Variants in L3MBTL3 observed in about 807,000 individuals in gnomAD.
L3MBTL3 encodes the protein L3MBTL histone methyl-lysine binding protein 3, also known as lethal(3)malignant brain tumor-like protein 3.
In L3MBTL3, 27 loss-of-function variants were observed where a neutral mutation model predicts 102.3. The ratio of observed to expected loss-of-function variants is 0.26; its 90% CI spans 0.19 to 0.36. The LOEUF is 0.36. Ranked by LOEUF, L3MBTL3 falls within the 10% of genes least tolerant of loss-of-function variation. The pLI is 1.00. For missense variants in L3MBTL3, 798 were observed against 955.3 expected, an observed-to-expected ratio of 0.84 and a Z score of 2.17; for synonymous variants, 340 against 320.9, an observed-to-expected ratio of 1.06 and a Z score of -0.64.
chr6:130,021,181 A>C (rs757140301), intron 1 of L3MBTL3, among the ~76,000 whole-genome samples: 1 of 152,194 alleles, frequency 6.6e-6, no homozygotes, highest in Non-Finnish European at 1.5e-5. Context: ...TTTCAAGTGC[A>C]GCAAAATAGC....
At chr6:130,026,628 T>G (rs1032822756) in intron 2 of L3MBTL3, among the ~76,000 whole-genome samples, 14 of 152,184 alleles carry the variant, frequency 9.2e-5, no homozygotes, top group African/African-American at 3.1e-4. Context: ...GACCAATTAT[T>G]GAATTATTCT....
chr6:130,063,976 A>G (rs568015648), intron 10 of L3MBTL3, among the ~76,000 whole-genome samples: 7 of 152,348 alleles, frequency 4.6e-5, no homozygotes, highest in African/African-American at 1.7e-4. Flanking sequence ...GTGCATGTCC[A>G]CGAACACTGC....
intron 2 of L3MBTL3, among the ~76,000 whole-genome samples, chr6:130,033,583 C>G (rs1779863288): frequency 6.6e-6 from 1 of 152,112 alleles, no homozygotes; most frequent in Admixed American, 6.5e-5. Flanking sequence ...CCCTTTTAAC[C>G]AAAAACTGGC....
chr6:130,119,595 C>A (rs1168647708), intron 19 of L3MBTL3, among the ~76,000 whole-genome samples: 1 of 152,054 alleles, frequency 6.6e-6, no homozygotes, highest in African/African-American at 2.4e-5. Context: ...GACCCTGTTG[C>A]CATTTAATTG....
chr6:130,037,656 A>G (rs1196802415), intron 2 of L3MBTL3, among the ~76,000 whole-genome samples: 2 of 152,182 alleles, frequency 1.3e-5, no homozygotes, highest in African/African-American at 4.8e-5. Context: ...TAATTGATGC[A>G]TAATAATTGT....
chr6:130,062,542 G>C (rs1488643529), intron 10 of L3MBTL3, among the ~76,000 whole-genome samples: 1 of 148,302 alleles, frequency 6.7e-6, no homozygotes, highest in Non-Finnish European at 1.5e-5. Flanking sequence ...TGTACCACCT[G>C]ATGCCCAGCT....
At chr6:130,028,073 C>CTT (rs67901301) in intron 2 of L3MBTL3, among the ~76,000 whole-genome samples, 2 of 141,200 alleles carry the variant, frequency 1.4e-5, no homozygotes, top group Non-Finnish European at 3.1e-5. Flanking sequence ...TTCTGTGTAC[C>CTT]TTTTTTTTTT....
intron 20 of L3MBTL3, among the ~76,000 whole-genome samples, chr6:130,122,229 C>T (rs1393880686): frequency 1.3e-5 from 2 of 152,294 alleles, no homozygotes; most frequent in South Asian, 2.1e-4. Context: ...AGAATGGCAC[C>T]TGATGGCTGT....
intron 15 of L3MBTL3, 29 bp downstream of exon 15, chr6:130,083,734 T>A: frequency 9.1e-7 from 1 of 1,101,420 alleles, no homozygotes; most frequent in Non-Finnish European, 1.4e-6. Flanking sequence ...TTAATTTGCG[T>A]GGATGAGATC....
chr6:130,052,292 A>G (rs1421805503), intron 6 of L3MBTL3, among the ~76,000 whole-genome samples: 1 of 151,798 alleles, frequency 6.6e-6, no homozygotes, highest in Non-Finnish European at 1.5e-5. Flanking sequence ...ATTTTAGTAG[A>G]GACGGGGTTT....
intron 20 of L3MBTL3, among the ~76,000 whole-genome samples, chr6:130,125,917 C>G (rs556708303): frequency 6.6e-6 from 1 of 152,056 alleles, no homozygotes; most frequent in Non-Finnish European, 1.5e-5. Flanking sequence ...CACACACACA[C>G]CCCTCTTAAA....
intron 11 of L3MBTL3, 138 bp downstream of exon 11, chr6:130,066,626 C>A (rs1255529505): frequency 2.8e-6 from 2 of 713,026 alleles, no homozygotes; most frequent in African/African-American, 3.7e-5. Flanking sequence ...ATGATGAAAC[C>A]ATGTTTATTA....
rs1784059506 is a variant in L3MBTL3 at position 130,091,681 on chromosome 6, A to C, written c.1519-1064A>C. Among the ~76,000 whole-genome samples, 3 of 152,158 alleles carry C rather than the reference A, an allele frequency of 2.0e-5. No homozygotes were observed. The South Asian group carries it at 6.2e-4, about 32-fold the overall frequency. On this transcript the variant is annotated intron_variant, in intron 16 of 22. Transcript: ENST00000361794. ...ACGGGATATTATTCAGCCATAAAAA[A>C]AGAATTAAATACTGTCATTTGCAAC...
chr6:130,122,958 G>A (rs906272386), intron 20 of L3MBTL3, among the ~76,000 whole-genome samples: 1 of 152,186 alleles, frequency 6.6e-6, no homozygotes, highest in African/African-American at 2.4e-5. Context: ...TGTGGAATAA[G>A]TGTCTATTGT....
chr6:130,134,210 G>A (rs1335976860), intron 22 of L3MBTL3, among the ~76,000 whole-genome samples: 1 of 152,064 alleles, frequency 6.6e-6, no homozygotes, highest in East Asian at 1.9e-4. Context: ...ATAGCACAGA[G>A]GAAGCCAAAG....
intron 10 of L3MBTL3, among the ~76,000 whole-genome samples, chr6:130,065,403 C>A (rs1782181002): frequency 6.6e-6 from 1 of 152,054 alleles, no homozygotes; most frequent in South Asian, 2.1e-4. Flanking sequence ...CATGTGGACC[C>A]CCACATGTCT....
Position 130,139,864 on chromosome 6 carries a change from C to T in L3MBTL3, c.*111C>T. 2 of 921,386 alleles carry T rather than the reference C, an allele frequency of 2.2e-6. No individual in the cohort carries two copies. The highest frequency in any genetic ancestry group is 6.0e-4 in the Middle Eastern group (2 of 3,316). 57.1% of individuals were successfully genotyped at this position (921,386 alleles called of 1,614,324 possible). A position where few individuals can be genotyped will look rare whatever the true frequency, so the allele number is the denominator to read the frequency against. ...GAGAAGTCTCCAAAACTCAAAAGAG[C>T]AACACTATCGGATTATTTATATTAC... On this transcript the variant is annotated 3_prime_UTR_variant, in exon 23 of 23. Transcript: ENST00000361794.
intron 14 of L3MBTL3, among the ~76,000 whole-genome samples, chr6:130,078,847 A>G (rs945096171): frequency 3.3e-5 from 5 of 152,164 alleles, no homozygotes; most frequent in African/African-American, 1.2e-4. Flanking sequence ...ATTTACAAAA[A>G]CAGGCAGCCA....
chr6:130,122,165 C>G (rs188090998), intron 20 of L3MBTL3, among the ~76,000 whole-genome samples: 8 of 152,088 alleles, frequency 5.3e-5, no homozygotes, highest in Non-Finnish European at 4.4e-5. Flanking sequence ...TTGATTGTCC[C>G]TGGGGACTTT....
Sources: gnomAD v4.1 joint callset for allele counts (sites outside exome capture counted in the v4.1 genomes callset) on GRCh38, gnomAD v4.1.1 for gene constraint, MANE v1.5 for transcripts, NCBI Gene and HGNC (gene_info 2026-07-23, HGNC 2026-07-21) for gene names.